Variants in SRGAP1 observed in about 807,000 individuals in gnomAD.
SRGAP1 encodes the protein SLIT-ROBO Rho GTPase-activating protein 1.
In SRGAP1, 43 loss-of-function variants were observed where a neutral mutation model predicts 121.9. That is an observed-to-expected ratio of 0.35 (90% CI 0.28 to 0.46). The LOEUF is 0.46. SRGAP1 is among the 20% of genes least tolerant of loss of function. The pLI is 1.00. For synonymous variants in SRGAP1, 447 were observed against 485.4 expected, an observed-to-expected ratio of 0.92 and a Z score of 1.04; for missense variants, 1,102 against 1,350.9, an observed-to-expected ratio of 0.82 and a Z score of 2.89.
intron 17 of SRGAP1, among the ~76,000 whole-genome samples, chr12:64,113,415 TA>T (rs1565686340): frequency 6.6e-6 from 1 of 151,664 alleles, no homozygotes; most frequent in Admixed American, 6.6e-5. Context: ...CTCAAAAAAA[TA>T]AAAAAATTTA....
chr12:63,999,207 G>C (rs1214325125), intron 3 of SRGAP1, among the ~76,000 whole-genome samples: 3 of 152,200 alleles, frequency 2.0e-5, no homozygotes, highest in Non-Finnish European at 4.4e-5. Flanking sequence ...TTCTTTGTAG[G>C]TGACTCAAAG....
At chr12:64,058,252 T>TA (rs2035379766) in intron 6 of SRGAP1, among the ~76,000 whole-genome samples, 1 of 152,204 alleles carries the variant, frequency 6.6e-6, no homozygotes, top group Admixed American at 6.6e-5. Context: ...CATCTAGACT[T>TA]TCAATGGCTC....
chr12:63,916,018 T>G (rs1416564802), intron 1 of SRGAP1, among the ~76,000 whole-genome samples: 1 of 103,614 alleles, frequency 9.7e-6, no homozygotes, highest in Non-Finnish European at 1.9e-5. Flanking sequence ...AAATGGTGTC[T>G]TTTCTTTTCT....
At chr12:63,972,132 T>C (rs1314051025) in intron 1 of SRGAP1, among the ~76,000 whole-genome samples, 4 of 152,158 alleles carry the variant, frequency 2.6e-5, no homozygotes, top group African/African-American at 9.7e-5. Context: ...GGTGGGAGGA[T>C]TGCTTGAGCC....
At chr12:63,996,573 A>C (rs1041068451) in intron 3 of SRGAP1, among the ~76,000 whole-genome samples, 2 of 152,156 alleles carry the variant, frequency 1.3e-5, no homozygotes, top group South Asian at 2.1e-4. Flanking sequence ...TGTCATGTAC[A>C]AACAGGTCAT....
chr12:63,965,006 T>C (rs149245701), intron 1 of SRGAP1, among the ~76,000 whole-genome samples: 163 of 152,326 alleles, frequency 1.1e-3, no homozygotes, highest in Non-Finnish European at 1.7e-3. Context: ...CAAAGATGCA[T>C]TGAAACCTGG....
chr12:63,959,551 CT>C (rs1592983212), intron 1 of SRGAP1, among the ~76,000 whole-genome samples: 2 of 152,068 alleles, frequency 1.3e-5, no homozygotes, highest in Admixed American at 6.6e-5. Flanking sequence ...GATAACGTTT[CT>C]TTCCAGATTT....
At position 64,148,169 on chromosome 12, in the gene SRGAP1, ACT is replaced by A. The variant is rs2037081550; in HGVS notation, c.*5500_*5501del. ...GATTGAAATCTTTCTTTTGAGAAAG[ACT>A]CTAGTTAACCACGGCAAGCCCATCT... On this transcript the variant is annotated 3_prime_UTR_variant, in exon 22 of 22. Coordinates refer to ENST00000355086, the MANE Select transcript of SRGAP1 (RefSeq NM_020762.4). The A allele has an allele frequency of 1.3e-5, 2 of 151,698 alleles. No homozygotes were observed. Among genetic ancestry groups the A allele is most frequent in the Admixed American group, 1.3e-4 (2 of 15,196 alleles). The allele number at this position is 151,698 out of a possible 1,614,324, so 9.4% of individuals were successfully genotyped here.
rs529884944 is a variant in SRGAP1 at position 63,962,794 on chromosome 12, C to T, written c.68-21153C>T. ...TCCAATATGGCAGCTACTGGCCCTT[C>T]GTGGCTATTCAGGGTTTGAAAGGTG... On this transcript the variant is annotated intron_variant, in intron 1 of 21. Transcript: ENST00000355086. Among the ~76,000 whole-genome samples the T allele has an allele frequency of 4.7e-4, 71 of 152,240 alleles. 1 individual carries two copies. The South Asian group carries it at 0.014, about 31-fold the overall frequency.
intron 3 of SRGAP1, among the ~76,000 whole-genome samples, chr12:64,010,013 T>G (rs1393596285): frequency 1.3e-5 from 2 of 152,154 alleles, no homozygotes; most frequent in African/African-American, 2.4e-5. Flanking sequence ...ATTAAGGGAA[T>G]GTATCATAGA....
At chr12:63,936,099 G>A (rs1287826797) in intron 1 of SRGAP1, among the ~76,000 whole-genome samples, 1 of 151,224 alleles carries the variant, frequency 6.6e-6, no homozygotes, top group Non-Finnish European at 1.5e-5. Flanking sequence ...TATTACTAGT[G>A]TTATAATAAC....
At chr12:63,964,433 A>G (rs575963901) in intron 1 of SRGAP1, among the ~76,000 whole-genome samples, 124 of 152,218 alleles carry the variant, frequency 8.1e-4, no homozygotes, top group African/African-American at 2.9e-3. Context: ...TATTTATTAT[A>G]CCTGTTTTAA....
intron 1 of SRGAP1, among the ~76,000 whole-genome samples, chr12:63,852,067 C>T (rs1899093173): frequency 6.6e-6 from 1 of 152,200 alleles, no homozygotes; most frequent in African/African-American, 2.4e-5. Flanking sequence ...GCTCAGCTCA[C>T]TGCAGCCTCA....
At chr12:63,869,492 C>G (rs1388341515) in intron 1 of SRGAP1, among the ~76,000 whole-genome samples, 11 of 152,006 alleles carry the variant, frequency 7.2e-5, no homozygotes, top group Non-Finnish European at 1.3e-4. Context: ...TGTTTCTTTC[C>G]TTCCTTTCAA....
chr12:64,002,450 A>T (rs1293345830), intron 3 of SRGAP1, among the ~76,000 whole-genome samples: 1 of 152,288 alleles, frequency 6.6e-6, no homozygotes, highest in African/African-American at 2.4e-5. Flanking sequence ...AGATTAGAAT[A>T]ACTAAAGCCC....
At chr12:64,141,271 A>AT (rs1257171663) in intron 21 of SRGAP1, among the ~76,000 whole-genome samples, 26 of 106,816 alleles carry the variant, frequency 2.4e-4, no homozygotes, top group Non-Finnish European at 4.1e-4. Context: ...TTAAAGTATA[A>AT]TAAAAAAAAA....
At chr12:63,867,612 GATT>G (rs1207940766) in intron 1 of SRGAP1, among the ~76,000 whole-genome samples, 2 of 151,996 alleles carry the variant, frequency 1.3e-5, no homozygotes, top group Non-Finnish European at 2.9e-5. Flanking sequence ...TATCTTATAA[GATT>G]ATTATGAGGA....
intron 1 of SRGAP1, among the ~76,000 whole-genome samples, chr12:63,956,340 C>G (rs1215363121): frequency 6.6e-6 from 1 of 152,108 alleles, no homozygotes; most frequent in East Asian, 1.9e-4. Flanking sequence ...GCTGGGAATA[C>G]AGGCATGAAC....
At position 63,907,538 on chromosome 12, in the gene SRGAP1, CA is replaced by C. The variant is rs1007129891; in HGVS notation, c.67+62666del. 3.0e-4 allele frequency among the ~76,000 whole-genome samples: 42 copies of C among 142,038 alleles called. No individual in the cohort carries two copies. The East Asian group carries it at 3.3e-3, about 11-fold the overall frequency. The allele number at this position is 142,038 out of a possible 152,430, so 93.2% of individuals were successfully genotyped here. A position where few individuals can be genotyped will look rare whatever the true frequency, so the allele number is the denominator to read the frequency against. On this transcript the variant is annotated intron_variant, in intron 1 of 21. Coordinates refer to ENST00000355086, the MANE Select transcript of SRGAP1 (RefSeq NM_020762.4). ...GGGCAACAAGAGGGAAACTCCATCT[CA>C]AAAAAAAAAATTAAAGTAAAATAAA... is the stretch of plus-strand genomic sequence containing the variant.
Sources: allele counts gnomAD v4.1 joint callset (sites outside exome capture counted in the v4.1 genomes callset), GRCh38; gene constraint gnomAD v4.1.1; transcripts MANE v1.5; gene names NCBI Gene and HGNC (gene_info 2026-07-23, HGNC 2026-07-21).